GRM8: variants seen among roughly 807,000 people sequenced by gnomAD.
The protein encoded by GRM8 is metabotropic glutamate receptor 8.
In GRM8, 47 loss-of-function variants were observed where a neutral mutation model predicts 87.2. The ratio of observed to expected loss-of-function variants is 0.54; its 90% CI spans 0.43 to 0.69. GRM8 has a LOEUF of 0.69. Ranked by LOEUF, GRM8 falls within the 30% of genes least tolerant of loss-of-function variation. GRM8 has a pLI of 0.00. For synonymous variants in GRM8, 396 were observed against 404.5 expected (o/e 0.98, Z 0.25); for missense variants, 1,019 against 1,139.2 (o/e 0.89, Z 1.52).
intron 8 of GRM8, among the ~76,000 whole-genome samples, chr7:126,578,400 T>C (rs1232693819): frequency 6.6e-6 from 1 of 152,098 alleles, no homozygotes; most frequent in Non-Finnish European, 1.5e-5. Flanking sequence ...AGGAGATTAG[T>C]AGTTTATGTG....
chr7:126,585,702 T>C (rs1796045858), intron 8 of GRM8, among the ~76,000 whole-genome samples: 1 of 152,164 alleles, frequency 6.6e-6, no homozygotes, highest in Non-Finnish European at 1.5e-5. Context: ...GAGCTATTTA[T>C]GACAAACCCA....
intron 3 of GRM8, among the ~76,000 whole-genome samples, chr7:127,077,006 T>C (rs1822343872): frequency 6.6e-6 from 1 of 152,188 alleles, no homozygotes. Flanking sequence ...GTCCAATCCT[T>C]CGACCACTAC....
intron 9 of GRM8, among the ~76,000 whole-genome samples, chr7:126,489,583 T>C (rs757173226): frequency 6.6e-6 from 1 of 152,084 alleles, no homozygotes; most frequent in African/African-American, 2.4e-5. Context: ...ATTACAGATT[T>C]ATACAGGATA....
rs575183792 is a variant in GRM8 at position 127,167,390 on chromosome 7, G to A, written c.511-60678C>T. On this transcript the variant is annotated intron_variant, in intron 2 of 10. Transcript: ENST00000339582. ...ATATATGCAAACTTTAAATTAGCAC[G>A]TTTTTACTGCTCATCCTTTTATACA... 1.4e-4 allele frequency among the ~76,000 whole-genome samples: 22 copies of A among 152,128 alleles called. No individual in the cohort carries two copies. The South Asian group carries it at 1.9e-3, about 13-fold the overall frequency.
intron 2 of GRM8, among the ~76,000 whole-genome samples, chr7:127,134,272 C>T (rs1827841119): frequency 6.6e-6 from 1 of 152,116 alleles, no homozygotes; most frequent in African/African-American, 2.4e-5. Flanking sequence ...AGAAAGTTTC[C>T]TTCGTTAAGA....
chr7:126,992,381 G>A (rs1812744032), intron 3 of GRM8, among the ~76,000 whole-genome samples: 1 of 152,034 alleles, frequency 6.6e-6, no homozygotes, highest in South Asian at 2.1e-4. Context: ...TCTACAAAAA[G>A]CCACTAAATC....
At chr7:126,715,926 T>C (rs1811689475) in intron 7 of GRM8, among the ~76,000 whole-genome samples, 1 of 152,226 alleles carries the variant, frequency 6.6e-6, no homozygotes. Flanking sequence ...CTGACCACCA[T>C]GATAGGTTAT....
intron 7 of GRM8, among the ~76,000 whole-genome samples, chr7:126,694,434 G>C (rs1000951721): frequency 6.6e-6 from 1 of 152,150 alleles, no homozygotes; most frequent in East Asian, 1.9e-4. Flanking sequence ...AATGATTTGA[G>C]TGTAACTGTG....
chr7:126,837,691 C>A (rs1045196783), intron 6 of GRM8, among the ~76,000 whole-genome samples: 1 of 152,208 alleles, frequency 6.6e-6, no homozygotes, highest in African/African-American at 2.4e-5. Context: ...TTCACCTTAA[C>A]CCACTGGCCT....
chr7:126,786,326 T>A (rs970020856), intron 6 of GRM8, among the ~76,000 whole-genome samples: 3 of 152,218 alleles, frequency 2.0e-5, no homozygotes, highest in African/African-American at 7.2e-5. Flanking sequence ...ACGAACTTTT[T>A]AATGAACCAA....
intron 7 of GRM8, among the ~76,000 whole-genome samples, chr7:126,650,764 G>A (rs10808225): frequency 0.31 from 46,541 of 151,562 alleles, 8,009 homozygotes; most frequent in East Asian, 0.43. Context: ...ATAATCAAGT[G>A]GACAGGATAA....
intron 8 of GRM8, among the ~76,000 whole-genome samples, chr7:126,573,811 C>T (rs1794889243): frequency 6.6e-6 from 1 of 152,036 alleles, no homozygotes. Flanking sequence ...GTCTCAAACT[C>T]CTGAGAGTCA....
intron 8 of GRM8, among the ~76,000 whole-genome samples, chr7:126,603,169 T>C (rs1308906513): frequency 6.8e-6 from 1 of 146,518 alleles, no homozygotes; most frequent in Non-Finnish European, 1.5e-5. Flanking sequence ...GAAAAAGCCT[T>C]TGACAAAATT....
At chr7:126,924,693 C>T (rs146605538) in intron 3 of GRM8, among the ~76,000 whole-genome samples, 8 of 152,066 alleles carry the variant, frequency 5.3e-5, no homozygotes, top group African/African-American at 9.6e-5. Context: ...AAGCTGATGA[C>T]GTCAGTAAGA....
chr7:126,903,616 C>CATATATATATGTATATGTGT (rs1198813535), intron 5 of GRM8, among the ~76,000 whole-genome samples: 2 of 133,496 alleles, frequency 1.5e-5, no homozygotes, highest in Non-Finnish European at 3.2e-5. Flanking sequence ...TACATATATA[C>CATATATATATGTATATGTGT]ATATATATAT....
Position 126,500,005 on chromosome 7 carries a change from C to T in GRM8, c.2430+32947G>A, listed in dbSNP as rs79259539. ...TGATATGTGCGTATATACATATATACGTAGAAAGATCAAATCAGGCTAATT... is the reference window on the plus strand; with the variant it reads ...TGATATGTGCGTATATACATATATATGTAGAAAGATCAAATCAGGCTAATT... On this transcript the variant is annotated intron_variant, in intron 9 of 10. Transcript: ENST00000339582. Among the ~76,000 whole-genome samples the T allele has an allele frequency of 1.3e-3, 204 of 151,864 alleles. 5 individuals are homozygous for T. The East Asian group carries it at 0.036, about 27-fold the overall frequency.
At chr7:126,872,773 T>A (rs1358094174) in intron 6 of GRM8, among the ~76,000 whole-genome samples, 1 of 152,150 alleles carries the variant, frequency 6.6e-6, no homozygotes, top group Admixed American at 6.6e-5. Flanking sequence ...CAAAGATTTA[T>A]CACTCCTCTT....
At chr7:126,970,468 C>A (rs936935600) in intron 3 of GRM8, among the ~76,000 whole-genome samples, 2 of 152,164 alleles carry the variant, frequency 1.3e-5, no homozygotes, top group Admixed American at 1.3e-4. Context: ...TTTTCTGCAG[C>A]TTCTTCACCT....
chr7:126,907,480 G>A (rs1802838143), intron 3 of GRM8, among the ~76,000 whole-genome samples: 1 of 152,116 alleles, frequency 6.6e-6, no homozygotes, highest in Non-Finnish European at 1.5e-5. Context: ...CTAAAGTTGT[G>A]TAATGTAGTT....
Sources: allele counts gnomAD v4.1 joint callset (sites outside exome capture counted in the v4.1 genomes callset), GRCh38; gene constraint gnomAD v4.1.1; transcripts MANE v1.5; gene names NCBI Gene and HGNC (gene_info 2026-07-23, HGNC 2026-07-21).